The following ELAVL2 variants were observed in gnomAD, a reference collection of about 807,000 sequenced individuals.
ELAVL2 encodes ELAV-like protein 2.
ELAVL2 carries 4 observed loss-of-function variants against 34.6 expected under a neutral mutation model. The ratio of observed to expected loss-of-function variants is 0.12; its 90% CI spans 0.06 to 0.26. The LOEUF is 0.26. Ranked by LOEUF, ELAVL2 falls within the 10% of genes least tolerant of loss-of-function variation. ELAVL2 has a pLI of 1.00. For synonymous variants in ELAVL2, 193 were observed against 154.8 expected (o/e 1.25, Z -1.83); for missense variants, 432 against 442.8 (o/e 0.98, Z 0.22).
intron 1 of ELAVL2, among the ~76,000 whole-genome samples, chr9:23,805,990 A>C (rs908291344): frequency 7.9e-5 from 12 of 152,174 alleles, no homozygotes; most frequent in Middle Eastern, 3.4e-3. Flanking sequence ...AAGTAAATTA[A>C]ACTCACCAAC....
chr9:23,829,889 C>G (rs1345945712), upstream of ELAVL2: 1 of 152,078 alleles, frequency 6.6e-6, no homozygotes. Context: ...ATGTTTTATT[C>G]CACGGGACTT....
chr9:23,822,912 T>G (rs911482794), intron 1 of ELAVL2, among the ~76,000 whole-genome samples: 1 of 152,178 alleles, frequency 6.6e-6, no homozygotes, highest in Non-Finnish European at 1.5e-5. Flanking sequence ...CCCGCCCCCA[T>G]GCGACGGGCG....
chr9:23,760,726 A>G (rs2054779116), intron 2 of ELAVL2, among the ~76,000 whole-genome samples: 1 of 152,070 alleles, frequency 6.6e-6, no homozygotes, highest in Non-Finnish European at 1.5e-5. Context: ...AAGCAACATA[A>G]TTAAAATATA....
intron 1 of ELAVL2, among the ~76,000 whole-genome samples, chr9:23,781,773 A>C (rs1031588675): frequency 1.3e-5 from 2 of 151,840 alleles, no homozygotes; most frequent in Admixed American, 6.6e-5. Flanking sequence ...TGCTCACCGC[A>C]AACTCTGCCT....
At position 23,728,873 on chromosome 9, in the gene ELAVL2, A is replaced by G. The variant is rs749038770; in HGVS notation, c.333+2149T>C. 7.2e-5 allele frequency among the ~76,000 whole-genome samples: 11 copies of G among 152,224 alleles called. No homozygotes were observed. The South Asian group carries it at 1.4e-3, about 20-fold the overall frequency. On this transcript the variant is annotated intron_variant, in intron 3 of 6. Transcript: ENST00000397312. ...AATTGAGGATGCCAGCTGTTATCTG[A>G]TATTTTTACAGGAACCAAATAGGGG...
intron 1 of ELAVL2, among the ~76,000 whole-genome samples, chr9:23,782,666 T>C (rs1047140490): frequency 1.3e-5 from 2 of 152,192 alleles, no homozygotes; most frequent in African/African-American, 4.8e-5. Flanking sequence ...TGAACTAAGA[T>C]TTAGCCTGAA....
intron 2 of ELAVL2, among the ~76,000 whole-genome samples, chr9:23,744,016 C>A (rs1404804037): frequency 6.6e-6 from 1 of 152,124 alleles, no homozygotes; most frequent in Non-Finnish European, 1.5e-5. Context: ...AAGATTAAGG[C>A]TAAGACAAGT....
chr9:23,759,735 G>GTATACATCATAA (rs2054428818), intron 2 of ELAVL2, among the ~76,000 whole-genome samples: 3 of 117,828 alleles, frequency 2.5e-5, no homozygotes, highest in Non-Finnish European at 5.2e-5. Flanking sequence ...ATATATATGT[G>GTATACATCATAA]TATACATCAT....
At chr9:23,824,766 G>A (rs2065184273) in intron 1 of ELAVL2, among the ~76,000 whole-genome samples, 1 of 152,118 alleles carries the variant, frequency 6.6e-6, no homozygotes, top group African/African-American at 2.4e-5. Flanking sequence ...AAAATGAAGC[G>A]TGTGCCTATC....
chr9:23,798,683 G>C (rs1164836909), intron 1 of ELAVL2, among the ~76,000 whole-genome samples: 1 of 152,100 alleles, frequency 6.6e-6, no homozygotes, highest in Non-Finnish European at 1.5e-5. Context: ...GGAGACGAGG[G>C]AGGAGTCAGA....
chr9:23,716,393 T>A (rs1275805250), intron 3 of ELAVL2, among the ~76,000 whole-genome samples: 1 of 152,168 alleles, frequency 6.6e-6, no homozygotes, highest in Non-Finnish European at 1.5e-5. Flanking sequence ...ATATCCTTCA[T>A]CCGACCACAT....
intron 2 of ELAVL2, among the ~76,000 whole-genome samples, chr9:23,744,793 G>T (rs2050112573): frequency 6.6e-6 from 1 of 151,864 alleles, no homozygotes; most frequent in Admixed American, 6.6e-5. Flanking sequence ...AATAGTAAAG[G>T]AATTAGAACT....
chr9:23,729,632 C>A (rs997247336), intron 3 of ELAVL2, among the ~76,000 whole-genome samples: 1 of 152,030 alleles, frequency 6.6e-6, no homozygotes, highest in Admixed American at 6.6e-5. Context: ...ATTGGTGAAT[C>A]TTTTCATAGA....
chr9:23,816,345 AAG>A (rs1491017014), intron 1 of ELAVL2, among the ~76,000 whole-genome samples: 1,483 of 144,722 alleles, frequency 0.01, 92 homozygotes, highest in Admixed American at 0.055. Context: ...AAAAAAAAAA[AAG>A]GGGATAAAAA....
chr9:23,724,636 T>G (rs1005431556), intron 3 of ELAVL2, among the ~76,000 whole-genome samples: 1 of 152,184 alleles, frequency 6.6e-6, no homozygotes, highest in Non-Finnish European at 1.5e-5. Flanking sequence ...AAATAAGGAC[T>G]ATGTAAATGG....
chr9:23,757,396 A>G (rs2053830568), intron 2 of ELAVL2, among the ~76,000 whole-genome samples: 1 of 151,778 alleles, frequency 6.6e-6, no homozygotes, highest in Admixed American at 6.6e-5. Flanking sequence ...TCTGGTCCCT[A>G]CTCTACCGCT....
chr9:23,757,933 C>A (rs1588157932), intron 2 of ELAVL2, among the ~76,000 whole-genome samples: 1 of 152,062 alleles, frequency 6.6e-6, no homozygotes, highest in Non-Finnish European at 1.5e-5. Context: ...ACTTTCCTAA[C>A]TAGATATTTT....
chr9:23,750,133 T>C (rs1045247982), intron 2 of ELAVL2, among the ~76,000 whole-genome samples: 3 of 151,962 alleles, frequency 2.0e-5, no homozygotes, highest in African/African-American at 4.8e-5. Context: ...TCCAAATATA[T>C]TGTTTTCTAT....
At chr9:23,758,924 G>A (rs565615626) in intron 2 of ELAVL2, among the ~76,000 whole-genome samples, 1 of 152,026 alleles carries the variant, frequency 6.6e-6, no homozygotes, top group South Asian at 2.1e-4. Context: ...ACCAAATGAA[G>A]GTTGAAAAAC....
Sources: gnomAD v4.1 joint callset for allele counts (sites outside exome capture counted in the v4.1 genomes callset) on GRCh38, gnomAD v4.1.1 for gene constraint, MANE v1.5 for transcripts, NCBI Gene and HGNC (gene_info 2026-07-23, HGNC 2026-07-21) for gene names.